Variants in RCOR1 observed in about 807,000 individuals in gnomAD.
The protein encoded by RCOR1 is REST corepressor 1.
A neutral mutation model predicts 64.0 loss-of-function variants in RCOR1; 12 were observed. The ratio of observed to expected loss-of-function variants is 0.19; its 90% CI spans 0.12 to 0.30. The LOEUF (loss-of-function observed/expected upper bound fraction) is 0.30. Among genes scored for constraint, RCOR1 ranks in the 10% least tolerant of loss-of-function variants. The pLI is 1.00. For missense variants in RCOR1, 502 were observed against 621.2 expected (o/e 0.81, Z 2.04); for synonymous variants, 279 against 227.2 (o/e 1.23, Z -2.05).
chr14:102,693,698 A>G (rs1269860269), intron 3 of RCOR1, among the ~76,000 whole-genome samples: 1 of 152,214 alleles, frequency 6.6e-6, no homozygotes, highest in Non-Finnish European at 1.5e-5. Context: ...TTTAATGGAC[A>G]GAATCAAGAT....
At chr14:102,653,096 G>T (rs1894625449) in intron 2 of RCOR1, among the ~76,000 whole-genome samples, 1 of 151,800 alleles carries the variant, frequency 6.6e-6, no homozygotes, top group Admixed American at 6.6e-5. Flanking sequence ...GCCAATTTTT[G>T]TATTTTTAGT....
chr14:102,649,329 G>A (rs897038580), intron 2 of RCOR1, among the ~76,000 whole-genome samples: 1 of 152,152 alleles, frequency 6.6e-6, no homozygotes, highest in African/African-American at 2.4e-5. Flanking sequence ...GAGAAAAAAA[G>A]TACACAGGGG....
At chr14:102,595,212 A>G (rs1893217073) in intron 2 of RCOR1, among the ~76,000 whole-genome samples, 2 of 152,222 alleles carry the variant, frequency 1.3e-5, no homozygotes, top group Non-Finnish European at 2.9e-5. Flanking sequence ...CTAAAATGGA[A>G]AACATTTATC....
intron 3 of RCOR1, among the ~76,000 whole-genome samples, chr14:102,683,659 G>A (rs55900529): frequency 0.052 from 7,904 of 152,312 alleles, 671 homozygotes; most frequent in African/African-American, 0.18. Flanking sequence ...CTCTGGGGGC[G>A]CGCTGATGTT....
chr14:102,616,985 T>C (rs12887323), intron 2 of RCOR1, among the ~76,000 whole-genome samples: 121,173 of 152,158 alleles, frequency 0.8, 48,505 homozygotes, highest in Middle Eastern at 0.87. Flanking sequence ...AAAGACACAT[T>C]ACTTTGAAGA....
rs1895488734 is a variant in RCOR1, at chr14:102,689,428, C to G, written c.445+7450C>G. Reference sequence around the variant, plus strand: ...CTGCTTTTTAAAAATATATAATCAACTAAATTGCTCATGCTGAATGATGTT... The same window carrying G: ...CTGCTTTTTAAAAATATATAATCAAGTAAATTGCTCATGCTGAATGATGTT... On this transcript the variant is annotated intron_variant, in intron 3 of 11. Coordinates refer to ENST00000262241, the MANE Select transcript of RCOR1 (RefSeq NM_015156.4). Among the ~76,000 whole-genome samples the G allele has an allele frequency of 2.6e-5, 4 of 152,128 alleles. No homozygotes were observed. In the South Asian group the frequency reaches 8.3e-4, roughly 31 times the overall value.
chr14:102,629,786 A>T (rs984574562), intron 2 of RCOR1, among the ~76,000 whole-genome samples: 12 of 152,070 alleles, frequency 7.9e-5, no homozygotes, highest in Non-Finnish European at 1.5e-4. Flanking sequence ...TGTTAAAGAG[A>T]TTTACAAACA....
At chr14:102,605,859 G>A (rs956115420) in intron 2 of RCOR1, among the ~76,000 whole-genome samples, 11 of 152,106 alleles carry the variant, frequency 7.2e-5, no homozygotes, top group Non-Finnish European at 1.2e-4. Flanking sequence ...GGAAGGTATG[G>A]AGTTGGAAGA....
At chr14:102,596,550 C>T (rs1893252598) in intron 2 of RCOR1, among the ~76,000 whole-genome samples, 1 of 151,968 alleles carries the variant, frequency 6.6e-6, no homozygotes, top group Non-Finnish European at 1.5e-5. Context: ...TTTCCTCCTC[C>T]TACTTGTTTT....
At chr14:102,671,235 T>C (rs1019476817) in intron 2 of RCOR1, among the ~76,000 whole-genome samples, 9 of 152,186 alleles carry the variant, frequency 5.9e-5, no homozygotes, top group Non-Finnish European at 1.2e-4. Context: ...GGACCCTGAA[T>C]GGTAGAAACA....
chr14:102,707,309 T>A (rs1359516897), intron 4 of RCOR1, 42 bp from the exon 5 acceptor site: 1 of 1,524,618 alleles, frequency 6.6e-7, no homozygotes, highest in African/African-American at 1.4e-5. Context: ...ATTTTCATTG[T>A]TTTTTGTTTG....
intron 4 of RCOR1, among the ~76,000 whole-genome samples, chr14:102,703,447 T>C (rs1895787781): frequency 6.6e-6 from 1 of 152,206 alleles, no homozygotes; most frequent in Non-Finnish European, 1.5e-5. Context: ...AGAATCTTGA[T>C]AGCAGCAAGA....
intron 2 of RCOR1, among the ~76,000 whole-genome samples, chr14:102,676,048 T>TTTC (rs1895141207): frequency 7.0e-6 from 1 of 143,244 alleles, no homozygotes; most frequent in South Asian, 2.2e-4. Flanking sequence ...TTTTTTTTTT[T>TTTC]CCCCAAGGCA....
At chr14:102,725,254 C>T (rs1008255841) in intron 11 of RCOR1, among the ~76,000 whole-genome samples, 6 of 152,176 alleles carry the variant, frequency 3.9e-5, no homozygotes, top group Non-Finnish European at 7.3e-5. Flanking sequence ...TGGTTTTTAG[C>T]TGAAGGAACA....
At chr14:102,680,768 G>A (rs1895285891) in intron 2 of RCOR1, among the ~76,000 whole-genome samples, 1 of 152,190 alleles carries the variant, frequency 6.6e-6, no homozygotes, top group South Asian at 2.1e-4. Flanking sequence ...TCACACCACT[G>A]CACTCCAGCC....
At chr14:102,627,753 AT>A (rs1894010875) in intron 2 of RCOR1, among the ~76,000 whole-genome samples, 1 of 151,532 alleles carries the variant, frequency 6.6e-6, no homozygotes, top group Non-Finnish European at 1.5e-5. Flanking sequence ...TCTTTTACAC[AT>A]TTCATTCAGG....
At chr14:102,710,765 C>G (rs1224097455) in intron 6 of RCOR1, 170 bp from the exon 7 acceptor site, 2 of 592,636 alleles carry the variant, frequency 3.4e-6, no homozygotes, top group East Asian at 3.1e-5. Context: ...GTTTGAATTA[C>G]AAAGATGTTT....
At chr14:102,648,318 A>C (rs1043614791) in intron 2 of RCOR1, among the ~76,000 whole-genome samples, 1 of 152,194 alleles carries the variant, frequency 6.6e-6, no homozygotes, top group African/African-American at 2.4e-5. Flanking sequence ...ATCTCAGGTG[A>C]TCTGCCTGCC....
At position 102,647,615 on chromosome 14, in the gene RCOR1, G is replaced by A. The variant is rs1057493755; in HGVS notation, c.362-34280G>A. ...ATTACAGGCGTGAGCCACTGCACCTGGCCCAATTTAGGATTCTATGCCAAA... is the reference window on the plus strand; with the variant it reads ...ATTACAGGCGTGAGCCACTGCACCTAGCCCAATTTAGGATTCTATGCCAAA... On this transcript the variant is annotated intron_variant, in intron 2 of 11. Transcript: ENST00000262241. 2.6e-5 allele frequency among the ~76,000 whole-genome samples: 4 copies of A among 152,090 alleles called. No homozygotes were observed. In the East Asian group the frequency reaches 7.7e-4, roughly 29 times the overall value.
Sources: gnomAD v4.1 joint callset for allele counts (sites outside exome capture counted in the v4.1 genomes callset) on GRCh38, gnomAD v4.1.1 for gene constraint, MANE v1.5 for transcripts, NCBI Gene and HGNC (gene_info 2026-07-23, HGNC 2026-07-21) for gene names.